The following EPHA3 variants were observed in gnomAD, a reference collection of about 807,000 sequenced individuals.
The protein encoded by EPHA3 is ephrin type-A receptor 3.
In EPHA3, 42 loss-of-function variants were observed where a neutral mutation model predicts 107.1. That is an observed-to-expected ratio of 0.39 (90% CI 0.31 to 0.51). EPHA3 has a LOEUF of 0.51. EPHA3 is among the 20% of genes least tolerant of loss of function. The pLI is 0.78. For missense variants in EPHA3, 1,183 were observed against 1,211.2 expected (o/e 0.98, Z 0.35); for synonymous variants, 461 against 424.8 (o/e 1.09, Z -1.05).
At chr3:89,408,544 T>G (rs931447272) in intron 9 of EPHA3, among the ~76,000 whole-genome samples, 2 of 152,112 alleles carry the variant, frequency 1.3e-5, no homozygotes, top group African/African-American at 4.8e-5. Context: ...TGAAGTGCCT[T>G]ATCCCATTTT....
intron 3 of EPHA3, among the ~76,000 whole-genome samples, chr3:89,288,100 T>A (rs1706131504): frequency 6.6e-6 from 1 of 152,110 alleles, no homozygotes; most frequent in South Asian, 2.1e-4. Flanking sequence ...TTACTCATCA[T>A]CTTTTGTAAG....
intron 15 of EPHA3, among the ~76,000 whole-genome samples, chr3:89,457,214 C>T (rs1157607): frequency 0.19 from 29,077 of 152,000 alleles, 3,379 homozygotes; most frequent in Non-Finnish European, 0.25. Context: ...CAAATCACAT[C>T]GCATAATACG....
chr3:89,215,500 C>CAA (rs1048374077), intron 3 of EPHA3, among the ~76,000 whole-genome samples: 10 of 151,854 alleles, frequency 6.6e-5, no homozygotes, highest in African/African-American at 2.4e-4. Context: ...GTATATACTG[C>CAA]AAATCAGATT....
intron 5 of EPHA3, among the ~76,000 whole-genome samples, chr3:89,352,166 C>T (rs142838862): frequency 1.3e-5 from 2 of 151,340 alleles, no homozygotes; most frequent in East Asian, 3.9e-4. Context: ...GAATTCCTAT[C>T]CTCTGCTTTA....
At chr3:89,233,158 T>A (rs1704676262) in intron 3 of EPHA3, among the ~76,000 whole-genome samples, 1 of 152,192 alleles carries the variant, frequency 6.6e-6, no homozygotes, top group African/African-American at 2.4e-5. Flanking sequence ...TCCAGAGTAT[T>A]TGAAATATAT....
intron 2 of EPHA3, among the ~76,000 whole-genome samples, chr3:89,186,378 A>AAT (rs1553660330): frequency 0.018 from 2,722 of 152,096 alleles, 49 homozygotes; most frequent in Middle Eastern, 0.024. Context: ...GTTTAAAAAA[A>AAT]ATATAAATAA....
At chr3:89,335,525 G>T (rs1024643069) in intron 3 of EPHA3, among the ~76,000 whole-genome samples, 9 of 152,120 alleles carry the variant, frequency 5.9e-5, no homozygotes, top group African/African-American at 2.2e-4. Flanking sequence ...GTGAAGGAAT[G>T]AATTCAAACA....
At chr3:89,300,895 C>T (rs1184807997) in intron 3 of EPHA3, among the ~76,000 whole-genome samples, 1 of 152,082 alleles carries the variant, frequency 6.6e-6, no homozygotes, top group Admixed American at 6.6e-5. Flanking sequence ...CTTTCCTCAC[C>T]TTCATTTCTG....
rs1269431373 is a variant in EPHA3 at position 89,399,317 on chromosome 3, G to A, written c.1432-1G>A. On this transcript the variant is annotated splice_acceptor_variant, in intron 6 of 16. Coordinates refer to ENST00000336596, the MANE Select transcript of EPHA3 (RefSeq NM_005233.6). LOFTEE classifies it high-confidence loss of function. ...ATGAATTTTTTTTTCTGACCTCAAA[G>A]CAGGAACAAGAAACAAGTTATACCA... The A allele has an allele frequency of 6.3e-7, 1 of 1,590,282 alleles. No homozygotes were observed. Among genetic ancestry groups the A allele is most frequent in the East Asian group, 2.2e-5 (1 of 44,468 alleles).
intron 5 of EPHA3, among the ~76,000 whole-genome samples, chr3:89,384,650 T>C (rs1708580596): frequency 6.6e-6 from 1 of 152,192 alleles, no homozygotes; most frequent in South Asian, 2.1e-4. Context: ...TATCTTATGT[T>C]TCAGGTACAA....
At chr3:89,203,069 G>C (rs1444726489) in intron 2 of EPHA3, among the ~76,000 whole-genome samples, 1 of 152,096 alleles carries the variant, frequency 6.6e-6, no homozygotes, top group Admixed American at 6.5e-5. Context: ...GGGGAAGGAC[G>C]ACATTTTAGA....
chr3:89,349,163 G>C (rs1707745580), intron 5 of EPHA3, among the ~76,000 whole-genome samples: 1 of 28,330 alleles, frequency 3.5e-5, no homozygotes. Flanking sequence ...TCAATTCCTG[G>C]GTATCCTTGT....
intron 3 of EPHA3, among the ~76,000 whole-genome samples, chr3:89,243,629 G>T (rs1165519464): frequency 1.3e-5 from 2 of 152,058 alleles, no homozygotes; most frequent in Non-Finnish European, 2.9e-5. Context: ...AAATTTGTTT[G>T]TGTTCATTGT....
chr3:89,293,689 C>T (rs1416625708), intron 3 of EPHA3, among the ~76,000 whole-genome samples: 1 of 152,208 alleles, frequency 6.6e-6, no homozygotes, highest in Admixed American at 6.5e-5. Flanking sequence ...CTCTTTCTCT[C>T]TTTTCTGCTG....
At chr3:89,240,971 T>A (rs1202083497) in intron 3 of EPHA3, among the ~76,000 whole-genome samples, 1 of 152,092 alleles carries the variant, frequency 6.6e-6, no homozygotes, top group Non-Finnish European at 1.5e-5. Context: ...AATAATCAAA[T>A]GAAATGTTTA....
intron 7 of EPHA3, among the ~76,000 whole-genome samples, chr3:89,406,655 G>A (rs1474591098): frequency 6.6e-6 from 1 of 152,142 alleles, no homozygotes; most frequent in Non-Finnish European, 1.5e-5. Flanking sequence ...TAAAAGAAAT[G>A]TGAAACCATT....
intron 3 of EPHA3, among the ~76,000 whole-genome samples, chr3:89,271,577 G>A (rs1347139267): frequency 6.6e-6 from 1 of 151,818 alleles, no homozygotes; most frequent in Non-Finnish European, 1.5e-5. Context: ...CTGGTAGTAT[G>A]TAAAACAAAA....
rs372677692 is a variant in EPHA3 at position 89,208,462 on chromosome 3, G to GAA, written c.154-1396_154-1395dup. Among the ~76,000 whole-genome samples, 57 of 104,490 alleles carry GAA rather than the reference G, an allele frequency of 5.5e-4. 8 individuals are homozygous for GAA. Among genetic ancestry groups the GAA allele is most frequent in the African/African-American group, 2.3e-3 (49 of 21,082 alleles). The allele number at this position is 104,490 out of a possible 152,430, so 68.5% of individuals were successfully genotyped here. A position where few individuals can be genotyped will look rare whatever the true frequency, so the allele number is the denominator to read the frequency against. ...AGAAAGAAAGAAAGAAAGAAAGAAA[G>GAA]AAAGAAAGAAAGAAAGAAAGAGAAA... On this transcript the variant is annotated intron_variant, in intron 2 of 16. Coordinates refer to ENST00000336596, the MANE Select transcript of EPHA3 (RefSeq NM_005233.6).
chr3:89,481,716 A>G lies in EPHA3; in HGVS notation c.*2214A>G, dbSNP rs542436889. 32 of 231,868 alleles carry G rather than the reference A, an allele frequency of 1.4e-4. No homozygotes were observed. The South Asian group carries it at 5.1e-3, about 37-fold the overall frequency. 14.4% of individuals were successfully genotyped at this position (231,868 alleles called of 1,614,324 possible). A position where few individuals can be genotyped will look rare whatever the true frequency, so the allele number is the denominator to read the frequency against. The stretch of plus-strand genomic sequence containing the variant: ...ACCTCTCATAAATTTACTTTACACA[A>G]TTCTTACCCTGTACATATGTAAACA... On this transcript the variant is annotated 3_prime_UTR_variant, in exon 17 of 17. Coordinates refer to ENST00000336596, the MANE Select transcript of EPHA3 (RefSeq NM_005233.6).
Sources: gnomAD v4.1 joint callset for allele counts (sites outside exome capture counted in the v4.1 genomes callset) on GRCh38, gnomAD v4.1.1 for gene constraint, MANE v1.5 for transcripts, NCBI Gene and HGNC (gene_info 2026-07-23, HGNC 2026-07-21) for gene names.